Variants in ADGB observed in about 807,000 individuals in gnomAD.
ADGB encodes the protein androglobin.
A neutral mutation model predicts 210.5 loss-of-function variants in ADGB; 172 were observed. That is an observed-to-expected ratio of 0.82 (90% CI 0.72 to 0.93). The LOEUF is 0.93. Ranked by LOEUF, ADGB falls within the 40% of genes least tolerant of loss-of-function variation. ADGB has a pLI of 0.00. For synonymous variants in ADGB, 658 were observed against 662.7 expected (o/e 0.99, Z 0.11); for missense variants, 2,025 against 1,964.8 (o/e 1.03, Z -0.58).
At chr6:146,722,403 T>C (rs1302469065) in intron 17 of ADGB, among the ~76,000 whole-genome samples, 2 of 152,266 alleles carry the variant, frequency 1.3e-5, no homozygotes, top group East Asian at 1.9e-4. Context: ...CATTTGCTCT[T>C]TTTACCCCCT....
chr6:146,678,025 T>C (rs536938233), intron 9 of ADGB, among the ~76,000 whole-genome samples: 182 of 152,312 alleles, frequency 1.2e-3, no homozygotes, highest in African/African-American at 4.2e-3. Flanking sequence ...GGCATAAATA[T>C]GAGGGTGGCC....
intron 29 of ADGB, chr6:146,770,627 T>C (rs1172374247): frequency 2.1e-6 from 1 of 466,992 alleles, no homozygotes; most frequent in Non-Finnish European, 4.5e-6. Context: ...TAAATCCTAA[T>C]GGCATCCTGG....
intron 25 of ADGB, among the ~76,000 whole-genome samples, chr6:146,741,752 G>A (rs1239742798): frequency 6.6e-6 from 1 of 152,092 alleles, no homozygotes; most frequent in African/African-American, 2.4e-5. Flanking sequence ...AGGTACTTGG[G>A]GACCTTACTG....
Position 146,598,999 on chromosome 6 carries a change from C to G in ADGB, c.-42C>G, listed in dbSNP as rs761600026. The G allele has an allele frequency of 7.9e-6, 12 of 1,527,782 alleles. No homozygotes were observed. In the African/African-American group the frequency reaches 1.7e-4, roughly 21 times the overall value. The allele number at this position is 1,527,782 out of a possible 1,614,324, so 94.6% of individuals were successfully genotyped here. On this transcript the variant is annotated 5_prime_UTR_variant, in exon 1 of 36. Transcript: ENST00000397944. ...ACGCGGAGCCGAGCGCGCCCGCAGG[C>G]TCTTTGCTCAGAGCTCAGCCCTACA...
At chr6:146,791,602 T>G (rs1777957379) in intron 33 of ADGB, among the ~76,000 whole-genome samples, 1 of 152,134 alleles carries the variant, frequency 6.6e-6, no homozygotes, top group South Asian at 2.1e-4. Flanking sequence ...CTCAGCCTCC[T>G]AAAGTTCTGG....
At chr6:146,732,252 A>G (rs1228909359) in intron 20 of ADGB, among the ~76,000 whole-genome samples, 2 of 152,224 alleles carry the variant, frequency 1.3e-5, no homozygotes, top group Non-Finnish European at 2.9e-5. Flanking sequence ...TACCAAGGAC[A>G]CAGAAAGCAA....
At chr6:146,778,807 G>C (rs1322980951) in intron 29 of ADGB, among the ~76,000 whole-genome samples, 1 of 152,126 alleles carries the variant, frequency 6.6e-6, no homozygotes, top group African/African-American at 2.4e-5. Flanking sequence ...TCCTCAGAAG[G>C]TTTGGATAGA....
At chr6:146,780,314 A>G (rs1375441921) in intron 29 of ADGB, among the ~76,000 whole-genome samples, 1 of 152,178 alleles carries the variant, frequency 6.6e-6, no homozygotes, top group African/African-American at 2.4e-5. Flanking sequence ...GGTGTAGTGC[A>G]TAAGAAATAA....
chr6:146,641,735 A>G (rs1309123855), intron 2 of ADGB, among the ~76,000 whole-genome samples: 2 of 152,100 alleles, frequency 1.3e-5, no homozygotes, highest in African/African-American at 2.4e-5. Context: ...CTGTTCTTAC[A>G]CCATACACAA....
intron 23 of ADGB, among the ~76,000 whole-genome samples, chr6:146,739,593 C>T (rs1777133807): frequency 6.6e-6 from 1 of 152,108 alleles, no homozygotes; most frequent in Non-Finnish European, 1.5e-5. Flanking sequence ...TGACTTTTGT[C>T]TTCCATGAGG....
intron 3 of ADGB, among the ~76,000 whole-genome samples, chr6:146,653,790 T>C: frequency 6.6e-6 from 1 of 152,190 alleles, no homozygotes; most frequent in Non-Finnish European, 1.5e-5. Flanking sequence ...ATTTTACTCC[T>C]ATAGTAAAAT....
At chr6:146,608,374 T>C (rs1780660452) in intron 1 of ADGB, among the ~76,000 whole-genome samples, 1 of 152,136 alleles carries the variant, frequency 6.6e-6, no homozygotes, top group African/African-American at 2.4e-5. Context: ...TCCATTTGTT[T>C]CAGCACATCT....
In ADGB at chr6:146,732,364, A is replaced by G. The variant is rs542871927; in HGVS notation, c.2521-756A>G. Among the ~76,000 whole-genome samples the G allele has an allele frequency of 7.9e-5, 12 of 152,242 alleles. No homozygotes were observed. The South Asian group carries it at 2.3e-3, about 29-fold the overall frequency. On this transcript the variant is annotated intron_variant, in intron 20 of 35. Transcript: ENST00000397944. ...AATTTGCCACCAAGTAACTGACTGG[A>G]CTTCTCAGGGGACTATACCATATCA... is the stretch of plus-strand genomic sequence containing the variant.
chr6:146,690,908 G>A (rs1776295792), intron 10 of ADGB, among the ~76,000 whole-genome samples: 2 of 151,886 alleles, frequency 1.3e-5, no homozygotes, highest in African/African-American at 4.8e-5. Context: ...CTCTCATTTT[G>A]TAAATAAAGA....
chr6:146,659,751 A>G (rs988163273), intron 5 of ADGB, among the ~76,000 whole-genome samples: 6 of 152,162 alleles, frequency 3.9e-5, no homozygotes, highest in African/African-American at 1.4e-4. Context: ...CCTGGGAATG[A>G]TGATACTAAT....
At chr6:146,806,367 ATTAAAC>A (rs1778212224) in intron 35 of ADGB, among the ~76,000 whole-genome samples, 1 of 152,224 alleles carries the variant, frequency 6.6e-6, no homozygotes, top group African/African-American at 2.4e-5. Flanking sequence ...ACTGATGTAT[ATTAAAC>A]TTATTTACAC....
At chr6:146,776,298 T>G (rs2114638243) in intron 29 of ADGB, among the ~76,000 whole-genome samples, 1 of 152,262 alleles carries the variant, frequency 6.6e-6, no homozygotes, top group Non-Finnish European at 1.5e-5. Context: ...CTTACAACTA[T>G]ATGTACTCCC....
At chr6:146,619,327 A>T (rs1263553932) in intron 1 of ADGB, among the ~76,000 whole-genome samples, 1 of 151,884 alleles carries the variant, frequency 6.6e-6, no homozygotes, top group Non-Finnish European at 1.5e-5. Context: ...ACATTCAGCC[A>T]CTCTATTTTT....
intron 35 of ADGB, chr6:146,802,843 A>T: frequency 6.2e-7 from 1 of 1,609,862 alleles, no homozygotes; most frequent in African/African-American, 1.3e-5. Flanking sequence ...CTATATTACC[A>T]GTATATCCTG....
Sources: gnomAD v4.1 joint callset for allele counts (sites outside exome capture counted in the v4.1 genomes callset) on GRCh38, gnomAD v4.1.1 for gene constraint, MANE v1.5 for transcripts, NCBI Gene and HGNC (gene_info 2026-07-23, HGNC 2026-07-21) for gene names.